RPH3A: variants seen among roughly 807,000 people sequenced by gnomAD.
RPH3A encodes rabphilin-3A.
In RPH3A, 48 loss-of-function variants were observed where a neutral mutation model predicts 102.2. That is an observed-to-expected ratio of 0.47 (90% CI 0.37 to 0.60). RPH3A has a LOEUF of 0.60. Ranked by LOEUF, RPH3A falls within the 20% of genes least tolerant of loss-of-function variation. RPH3A has a pLI of 0.00. For synonymous variants in RPH3A, 310 were observed against 324.3 expected (o/e 0.96, Z 0.47); for missense variants, 781 against 910.1 (o/e 0.86, Z 1.83).
intron 1 of RPH3A, among the ~76,000 whole-genome samples, chr12:112,775,814 AAC>A (rs776130694): frequency 2.6e-4 from 40 of 152,342 alleles, no homozygotes; most frequent in Admixed American, 8.5e-4. Flanking sequence ...AGCTATAGCT[AAC>A]ACATAAAATA....
At chr12:112,682,173 G>T (rs1469042053) in intron 1 of RPH3A, among the ~76,000 whole-genome samples, 1 of 152,060 alleles carries the variant, frequency 6.6e-6, no homozygotes, top group Non-Finnish European at 1.5e-5. Context: ...TTTATTATGG[G>T]AACTGGTTTA....
intron 1 of RPH3A, among the ~76,000 whole-genome samples, chr12:112,675,358 G>C (rs575909289): frequency 6.6e-6 from 1 of 152,066 alleles, no homozygotes; most frequent in South Asian, 2.1e-4. Flanking sequence ...AGGTATTTGC[G>C]GTGACTGTAG....
intron 1 of RPH3A, among the ~76,000 whole-genome samples, chr12:112,752,968 CTTTTTTTTTT>C (rs3037266): frequency 8.4e-6 from 1 of 118,934 alleles, no homozygotes; most frequent in Non-Finnish European, 1.7e-5. Flanking sequence ...GTCCAGTTTT[CTTTTTTTTTT>C]TTTTTTTTTT....
At chr12:112,809,211 T>G (rs1208278543) in intron 2 of RPH3A, among the ~76,000 whole-genome samples, 5 of 152,122 alleles carry the variant, frequency 3.3e-5, no homozygotes, top group Admixed American at 2.0e-4. Context: ...GCTCTTGTCT[T>G]GTGAAATATT....
chr12:112,604,830 G>C (rs894311116), intron 1 of RPH3A, among the ~76,000 whole-genome samples: 5 of 152,206 alleles, frequency 3.3e-5, no homozygotes, highest in African/African-American at 1.2e-4. Flanking sequence ...TCAGTTCCTT[G>C]TCTCGTGGAT....
chr12:112,584,350 C>T (rs995044250), intron 1 of RPH3A, among the ~76,000 whole-genome samples: 7 of 152,198 alleles, frequency 4.6e-5, no homozygotes, highest in Non-Finnish European at 1.0e-4. Flanking sequence ...CTGGCAACAT[C>T]ATGCCTCTCA....
chr12:112,833,761 A>G (rs1195089189), intron 3 of RPH3A, among the ~76,000 whole-genome samples: 1 of 150,092 alleles, frequency 6.7e-6, no homozygotes, highest in Non-Finnish European at 1.5e-5. Flanking sequence ...ACAGTGTCTC[A>G]CTGTGTCACA....
intron 2 of RPH3A, among the ~76,000 whole-genome samples, chr12:112,798,814 C>A (rs989408447): frequency 1.3e-5 from 2 of 151,996 alleles, no homozygotes; most frequent in Non-Finnish European, 2.9e-5. Flanking sequence ...TTTCTCCTTG[C>A]AGTCTCTCTT....
intron 1 of RPH3A, among the ~76,000 whole-genome samples, chr12:112,639,340 C>T (rs969604420): frequency 3.3e-5 from 5 of 152,182 alleles, no homozygotes; most frequent in Non-Finnish European, 7.4e-5. Context: ...AGATCATGTC[C>T]TTTGCAGGCT....
intron 1 of RPH3A, among the ~76,000 whole-genome samples, chr12:112,724,934 A>C (rs1300415799): frequency 6.7e-6 from 1 of 149,978 alleles, no homozygotes; most frequent in African/African-American, 2.5e-5. Flanking sequence ...GTGCCACCGC[A>C]CTCCAGCCTG....
At chr12:112,715,110 A>G (rs2136038951) in intron 1 of RPH3A, among the ~76,000 whole-genome samples, 1 of 152,284 alleles carries the variant, frequency 6.6e-6, no homozygotes, top group South Asian at 2.1e-4. Context: ...CCATCTCTCC[A>G]TATGCTTTTA....
intron 13 of RPH3A, among the ~76,000 whole-genome samples, chr12:112,878,033 G>C (rs2042838403): frequency 6.6e-6 from 1 of 152,208 alleles, no homozygotes; most frequent in Admixed American, 6.5e-5. Flanking sequence ...GGAGGGGCTG[G>C]TGGTCAATCA....
intron 2 of RPH3A, among the ~76,000 whole-genome samples, chr12:112,800,251 G>A (rs978583903): frequency 9.2e-5 from 14 of 152,196 alleles, no homozygotes; most frequent in African/African-American, 3.4e-4. Context: ...TTTCTAGGAG[G>A]AAATAGCCAT....
At chr12:112,628,414 G>A (rs527278531) in intron 1 of RPH3A, among the ~76,000 whole-genome samples, 3 of 151,586 alleles carry the variant, frequency 2.0e-5, no homozygotes, top group African/African-American at 7.3e-5. Context: ...AAGAGCCTTG[G>A]AGCCACTCTG....
chr12:112,737,605 T>C (rs534801277), intron 1 of RPH3A, among the ~76,000 whole-genome samples: 146 of 152,262 alleles, frequency 9.6e-4, no homozygotes, highest in African/African-American at 3.5e-3. Context: ...ATCCTGCAGT[T>C]TTTTTCCCCT....
chr12:112,893,896 T>C (rs1345478504), intron 19 of RPH3A: 2 of 152,318 alleles, frequency 1.3e-5, no homozygotes, highest in African/African-American at 4.8e-5. Flanking sequence ...AAAAGAGCCC[T>C]GTAGGCAGAA....
intron 1 of RPH3A, among the ~76,000 whole-genome samples, chr12:112,756,329 C>T (rs2136063966): frequency 6.6e-6 from 1 of 152,220 alleles, no homozygotes; most frequent in Non-Finnish European, 1.5e-5. Context: ...TCTCCTGCCT[C>T]AGCCTCCAAA....
intron 1 of RPH3A, among the ~76,000 whole-genome samples, chr12:112,635,568 A>G (rs1441163806): frequency 6.6e-6 from 1 of 152,036 alleles, no homozygotes. Context: ...AAAAAATGCC[A>G]AAGAGGCTTA....
intron 1 of RPH3A, among the ~76,000 whole-genome samples, chr12:112,691,176 C>T (rs570451702): frequency 6.6e-6 from 1 of 152,226 alleles, no homozygotes; most frequent in Non-Finnish European, 1.5e-5. Context: ...AGGCGCCCGC[C>T]ACCACGCCCG....
Sources: gnomAD v4.1 joint callset for allele counts (sites outside exome capture counted in the v4.1 genomes callset) on GRCh38, gnomAD v4.1.1 for gene constraint, MANE v1.5 for transcripts, NCBI Gene and HGNC (gene_info 2026-07-23, HGNC 2026-07-21) for gene names.